Variants in SMOC2 observed in about 807,000 individuals in gnomAD.
The protein encoded by SMOC2 is SPARC related modular calcium binding 2.
SMOC2 carries 39 observed loss-of-function variants against 61.4 expected under a neutral mutation model. The ratio of observed to expected loss-of-function variants is 0.64; its 90% CI spans 0.49 to 0.83. SMOC2 has a LOEUF of 0.83. Among genes scored for constraint, SMOC2 ranks in the 40% least tolerant of loss-of-function variants. The probability of loss-of-function intolerance (pLI) is 0.00; values close to 1 mark genes in which losing one functional copy is unlikely to be tolerated. For synonymous variants in SMOC2, 247 were observed against 239.9 expected (o/e 1.03, Z -0.27); for missense variants, 556 against 592.9 (o/e 0.94, Z 0.65).
Position 168,581,217 on chromosome 6 carries a change from C to T in SMOC2, c.638-17601C>T, listed in dbSNP as rs572401172. ...AATTTTATATTTTATTTTCTTTGAT[C>T]ATCTTATTTAAATGTTGTATAATTA... On this transcript the variant is annotated intron_variant, in intron 7 of 12. Transcript: ENST00000356284. 3.4e-4 allele frequency among the ~76,000 whole-genome samples: 52 copies of T among 152,256 alleles called. No homozygotes were observed. In the Middle Eastern group the frequency reaches 0.014, roughly 40 times the overall value.
intron 9 of SMOC2, among the ~76,000 whole-genome samples, chr6:168,648,641 G>A (rs1041987775): frequency 5.9e-5 from 9 of 152,198 alleles, no homozygotes; most frequent in South Asian, 2.1e-4. Flanking sequence ...CCCCGTGGCC[G>A]TGATGCTTTT....
At chr6:168,460,214 C>T (rs185054826) in intron 1 of SMOC2, among the ~76,000 whole-genome samples, 1 of 152,268 alleles carries the variant, frequency 6.6e-6, no homozygotes, top group Non-Finnish European at 1.5e-5. Flanking sequence ...CAAAACTCCT[C>T]AAATGAAATC....
chr6:168,562,805 G>A (rs1044784492), intron 7 of SMOC2, among the ~76,000 whole-genome samples: 1 of 152,204 alleles, frequency 6.6e-6, no homozygotes, highest in Non-Finnish European at 1.5e-5. Flanking sequence ...TGCCCGTGGA[G>A]CTGTTTTCCC....
intron 8 of SMOC2, among the ~76,000 whole-genome samples, chr6:168,602,923 G>A (rs1210532621): frequency 6.6e-6 from 1 of 152,124 alleles, no homozygotes; most frequent in South Asian, 2.1e-4. Context: ...TGTTTGAATG[G>A]GGAGTGACAG....
At chr6:168,577,564 C>T (rs982488491) in intron 7 of SMOC2, among the ~76,000 whole-genome samples, 1 of 152,178 alleles carries the variant, frequency 6.6e-6, no homozygotes, top group Non-Finnish European at 1.5e-5. Context: ...ATGCTTTATA[C>T]ACATGTCCCA....
chr6:168,583,856 A>G (rs962243265), intron 7 of SMOC2, among the ~76,000 whole-genome samples: 1 of 151,178 alleles, frequency 6.6e-6, no homozygotes, highest in Non-Finnish European at 1.5e-5. Context: ...GAGTGGGACA[A>G]ACTGAAGAAG....
chr6:168,635,689 A>G (rs138111068), intron 9 of SMOC2, among the ~76,000 whole-genome samples: 4,703 of 151,986 alleles, frequency 0.031, 267 homozygotes, highest in African/African-American at 0.11. Context: ...TGGTCAACAC[A>G]GTGAAACCCC....
In SMOC2 at chr6:168,544,247, C is replaced by T. The variant is rs1240944588; in HGVS notation, c.511+575C>T. 6.6e-6 allele frequency among the ~76,000 whole-genome samples: 1 copy of T among 152,176 alleles called. No individual in the cohort carries two copies. Among genetic ancestry groups the T allele is most frequent in the Non-Finnish European group, 1.5e-5 (1 of 68,018 alleles). On this transcript the variant is annotated intron_variant, in intron 5 of 12. Coordinates refer to ENST00000356284, the MANE Select transcript of SMOC2 (RefSeq NM_001166412.2). The surrounding 1 kb of genome is among the most constrained non-coding windows in gnomAD (Gnocchi z 4.1). Reference sequence around the variant, plus strand: ...GTCTCCATCCTCTTCTCTGCCCTTGCCTCGGCCAACACCCTTCAGTACCAG... The same window carrying T: ...GTCTCCATCCTCTTCTCTGCCCTTGTCTCGGCCAACACCCTTCAGTACCAG...
intron 1 of SMOC2, among the ~76,000 whole-genome samples, chr6:168,459,750 G>A (rs1353722006): frequency 2.0e-5 from 3 of 147,496 alleles, no homozygotes; most frequent in Admixed American, 6.7e-5. Context: ...GCCTTGTGGT[G>A]GGTGAGCCCT....
At chr6:168,582,049 C>A (rs538397556) in intron 7 of SMOC2, among the ~76,000 whole-genome samples, 1 of 152,200 alleles carries the variant, frequency 6.6e-6, no homozygotes. Flanking sequence ...TGCCCGTTTC[C>A]TGATTTCTTC....
chr6:168,478,488 ATTC>A (rs1313557418), intron 1 of SMOC2, among the ~76,000 whole-genome samples: 2 of 152,216 alleles, frequency 1.3e-5, no homozygotes, highest in Non-Finnish European at 2.9e-5. Context: ...TAAAGTAAGT[ATTC>A]ATTAAAAAAA....
At chr6:168,504,760 C>T (rs1025570795) in intron 1 of SMOC2, among the ~76,000 whole-genome samples, 4 of 151,362 alleles carry the variant, frequency 2.6e-5, no homozygotes, top group African/African-American at 4.8e-5. Context: ...TTCAGCTTCA[C>T]TAGGGCAGGC....
intron 7 of SMOC2, among the ~76,000 whole-genome samples, chr6:168,559,275 G>C (rs1423671080): frequency 1.3e-5 from 2 of 151,954 alleles, no homozygotes; most frequent in African/African-American, 4.8e-5. Context: ...GGCCAACATG[G>C]TGAAACCCGG....
chr6:168,658,772 A>G (rs911715497), intron 11 of SMOC2, among the ~76,000 whole-genome samples: 1 of 152,108 alleles, frequency 6.6e-6, no homozygotes, highest in South Asian at 2.1e-4. Flanking sequence ...AGCAGTTAAG[A>G]AGATGTTCTG....
At chr6:168,627,469 C>T (rs890643734) in intron 9 of SMOC2, among the ~76,000 whole-genome samples, 16 of 152,050 alleles carry the variant, frequency 1.1e-4, no homozygotes, top group African/African-American at 3.4e-4. Flanking sequence ...TTACTCTCTG[C>T]GGGCAGGATG....
intron 9 of SMOC2, among the ~76,000 whole-genome samples, chr6:168,623,022 A>G (rs1370809764): frequency 6.6e-6 from 1 of 152,204 alleles, no homozygotes; most frequent in Non-Finnish European, 1.5e-5. Context: ...CCCTCTGGGT[A>G]GGGGAGTTTC....
chr6:168,519,250 C>T (rs2115065024), intron 2 of SMOC2, among the ~76,000 whole-genome samples: 1 of 151,094 alleles, frequency 6.6e-6, no homozygotes, highest in African/African-American at 2.4e-5. Flanking sequence ...TTTGTGTGTT[C>T]ATGTGCGTGC....
rs1273209460 is a variant in SMOC2, at chr6:168,452,711, C to G, written c.84+11257C>G. ...AGCAGCTGTCATTTAGATTTGTACA[C>G]CATTCCTAGTCCCTTCCCTCATTTC... On this transcript the variant is annotated intron_variant, in intron 1 of 12. Transcript: ENST00000356284. This position sits in a 1 kb window ranked among gnomAD's most constrained non-coding sequence, Gnocchi z 5.0. Among the ~76,000 whole-genome samples, 1 of 152,314 alleles carries G rather than the reference C, an allele frequency of 6.6e-6. No individual in the cohort carries two copies. The highest frequency in any genetic ancestry group is 3.4e-3 in the Middle Eastern group (1 of 294).
intron 7 of SMOC2, among the ~76,000 whole-genome samples, chr6:168,565,734 A>G (rs936051021): frequency 3.9e-5 from 6 of 152,170 alleles, no homozygotes; most frequent in Admixed American, 1.3e-4. Flanking sequence ...CCTCAGGTCT[A>G]TTGACGGCAC....
Sources: gnomAD v4.1 joint callset for allele counts (sites outside exome capture counted in the v4.1 genomes callset) on GRCh38, gnomAD v4.1.1 for gene constraint, Gnocchi (gnomAD v3.1) non-coding constraint, MANE v1.5 for transcripts, NCBI Gene and HGNC (gene_info 2026-07-23, HGNC 2026-07-21) for gene names.